CACNG4: variants seen among roughly 807,000 people sequenced by gnomAD.
The protein encoded by CACNG4 is calcium voltage-gated channel auxiliary subunit gamma 4, also known as voltage-dependent calcium channel gamma-4 subunit.
CACNG4 carries 8 observed loss-of-function variants against 22.9 expected under a neutral mutation model. The ratio of observed to expected loss-of-function variants is 0.35; its 90% CI spans 0.21 to 0.63. The LOEUF is 0.63. CACNG4 is among the 30% of genes least tolerant of loss of function. The pLI is 0.72. For synonymous variants in CACNG4, 188 were observed against 191.9 expected (o/e 0.98, Z 0.17); for missense variants, 357 against 455.4 (o/e 0.78, Z 1.97).
intron 1 of CACNG4, among the ~76,000 whole-genome samples, chr17:66,996,177 C>T (rs1598111792): frequency 6.6e-6 from 1 of 152,130 alleles, no homozygotes; most frequent in South Asian, 2.1e-4. Context: ...TGCCTCTCTG[C>T]TCCGTGGTTG....
intron 2 of CACNG4, among the ~76,000 whole-genome samples, chr17:67,020,522 CT>C (rs1164024322): frequency 1.3e-5 from 2 of 152,202 alleles, no homozygotes; most frequent in African/African-American, 4.8e-5. Flanking sequence ...GTGGTCTCTG[CT>C]GCTGGCAGAA....
rs567752942 is a variant in CACNG4, at chr17:66,985,249, C to G, written c.220+20118C>G. On this transcript the variant is annotated intron_variant, in intron 1 of 3. Coordinates refer to ENST00000262138, the MANE Select transcript of CACNG4 (RefSeq NM_014405.4). ...GAGGATTTGAAAACTAAATCCCAGG[C>G]TGAGTCCTGGGCACTCCCAGATTCA... Among the ~76,000 whole-genome samples, 23 of 152,310 alleles carry G rather than the reference C, an allele frequency of 1.5e-4. No homozygotes were observed. In the South Asian group the frequency reaches 3.7e-3, roughly 25 times the overall value.
intron 1 of CACNG4, among the ~76,000 whole-genome samples, chr17:66,982,905 G>A (rs761236613): frequency 6.6e-6 from 1 of 152,186 alleles, no homozygotes; most frequent in Non-Finnish European, 1.5e-5. Flanking sequence ...GGATTGCCCT[G>A]TGCACTTTAT....
intron 1 of CACNG4, among the ~76,000 whole-genome samples, chr17:67,011,946 G>A (rs766327663): frequency 2.6e-5 from 4 of 152,042 alleles, no homozygotes; most frequent in Non-Finnish European, 5.9e-5. Flanking sequence ...CCAATACCCC[G>A]CTCTTCATCA....
Position 66,968,488 on chromosome 17 carries a change from C to T in CACNG4, c.220+3357C>T, listed in dbSNP as rs2035183834. 2.8e-5 allele frequency among the ~76,000 whole-genome samples: 3 copies of T among 106,700 alleles called. No individual in the cohort carries two copies. The South Asian group carries it at 1.2e-3, about 44-fold the overall frequency. 70.0% of individuals were successfully genotyped at this position (106,700 alleles called of 152,430 possible). On this transcript the variant is annotated intron_variant, in intron 1 of 3. Coordinates refer to ENST00000262138, the MANE Select transcript of CACNG4 (RefSeq NM_014405.4). ...CCCTCCCCTTCCCTCACCTTCCCTC[C>T]CCTCCTCCTCTCCCTCCTCTCCCCT...
intron 1 of CACNG4, among the ~76,000 whole-genome samples, chr17:66,979,222 CCTTT>C (rs765923769): frequency 2.6e-5 from 4 of 152,192 alleles, no homozygotes; most frequent in Non-Finnish European, 5.9e-5. Context: ...CTCTTTCTCT[CCTTT>C]CTTTCTTCCT....
chr17:67,011,352 C>T (rs914623846), intron 1 of CACNG4, among the ~76,000 whole-genome samples: 1 of 152,160 alleles, frequency 6.6e-6, no homozygotes, highest in Non-Finnish European at 1.5e-5. Context: ...TGGAAGTGGA[C>T]TCCACACCTT....
intron 1 of CACNG4, among the ~76,000 whole-genome samples, chr17:66,988,037 G>T (rs531026558): frequency 3.6e-4 from 52 of 145,342 alleles, no homozygotes; most frequent in African/African-American, 1.1e-3. Context: ...CATCCTTTTT[G>T]TGTGTGTGTG....
intron 3 of CACNG4, among the ~76,000 whole-genome samples, chr17:67,025,726 G>C (rs1412593766): frequency 6.6e-6 from 1 of 152,266 alleles, no homozygotes; most frequent in African/African-American, 2.4e-5. Flanking sequence ...GGCAGGCCTG[G>C]CGTGGTGCCG....
chr17:67,009,395 G>A (rs1320206488), intron 1 of CACNG4, among the ~76,000 whole-genome samples: 5 of 152,114 alleles, frequency 3.3e-5, no homozygotes, highest in African/African-American at 7.2e-5. Flanking sequence ...AAGGATAGGA[G>A]CCAGTGTCTC....
At chr17:67,003,794 T>G (rs2035422071) in intron 1 of CACNG4, among the ~76,000 whole-genome samples, 1 of 152,148 alleles carries the variant, frequency 6.6e-6, no homozygotes, top group Non-Finnish European at 1.5e-5. Context: ...GTAACAGAGC[T>G]CTAAACTTGA....
chr17:66,989,541 C>A (rs550615979), intron 1 of CACNG4, among the ~76,000 whole-genome samples: 11 of 151,476 alleles, frequency 7.3e-5, no homozygotes, highest in African/African-American at 2.7e-4. Flanking sequence ...CAGAACCATT[C>A]GAGGATAAAC....
chr17:66,969,151 G>T (rs2035189152), intron 1 of CACNG4, among the ~76,000 whole-genome samples: 1 of 152,248 alleles, frequency 6.6e-6, no homozygotes, highest in Admixed American at 6.5e-5. Context: ...ACTCTTGCCA[G>T]GGACAGAAGA....
chr17:66,985,843 A>G (rs968609831), intron 1 of CACNG4, among the ~76,000 whole-genome samples: 1 of 152,180 alleles, frequency 6.6e-6, no homozygotes, highest in African/African-American at 2.4e-5. Context: ...GAGTGGGAAG[A>G]GGAAGGTCCT....
rs2035617694 is a variant in CACNG4 at position 67,032,919 on chromosome 17, A to C, written c.*1915A>C. On this transcript the variant is annotated 3_prime_UTR_variant, in exon 4 of 4. Transcript: ENST00000262138. ...CTTTTCTTCTGTGATTTCCAAAAGC[A>C]AGGCAGCCGTGCTGTTCTAGTTCCT... 1 of 152,962 alleles carries C rather than the reference A, an allele frequency of 6.5e-6. No individual in the cohort carries two copies. The highest frequency in any genetic ancestry group is 6.5e-5 in the Admixed American group (1 of 15,292). 9.5% of individuals were successfully genotyped at this position (152,962 alleles called of 1,614,324 possible).
At chr17:66,971,444 C>T (rs1342978040) in intron 1 of CACNG4, among the ~76,000 whole-genome samples, 1 of 152,198 alleles carries the variant, frequency 6.6e-6, no homozygotes, top group Admixed American at 6.5e-5. Context: ...GCTCACTGAA[C>T]ACCTGGTCTG....
In CACNG4 at chr17:67,024,951, C is replaced by A. The variant is rs2035554774; in HGVS notation, c.396C>A (p.Ser132Arg). ...GLCIGAGRIYSRKNNIVLSAG... is the reference protein window; with the variant it reads ...GLCIGAGRIYRRKNNIVLSAG... ...GCATCGGTGCTGGCAGGATCTACAG[C>A]CGCAAGAACAACATCGTCCTCAGTG... Residue 132 changes from serine (S) to arginine (R), a missense_variant, in exon 3 of 4, where the codon AGC becomes AGA. This residue lies in a region of CACNG4 where 240 missense variants were observed against 277.6 expected (regional missense o/e 0.86). Transcript: ENST00000262138. The A allele has an allele frequency of 1.2e-6, 2 of 1,607,096 alleles. No homozygotes were observed. The highest frequency in any genetic ancestry group is 1.7e-6 in the Non-Finnish European group (2 of 1,177,962).
At chr17:66,985,821 GGCAGTA>G (rs2035302207) in intron 1 of CACNG4, among the ~76,000 whole-genome samples, 1 of 152,150 alleles carries the variant, frequency 6.6e-6, no homozygotes, top group South Asian at 2.1e-4. Flanking sequence ...TCCAAGGAGT[GGCAGTA>G]GCACAGAGTG....
Position 66,965,052 on chromosome 17 carries a change from C to G in CACNG4, c.141C>G (p.Thr47=). 1 of 1,605,716 alleles carries G rather than the reference C, an allele frequency of 6.2e-7. No individual in the cohort carries two copies. Among genetic ancestry groups the G allele is most frequent in the Non-Finnish European group, 8.5e-7 (1 of 1,176,884 alleles). The change falls in exon 1 of 4, where the codon ACC becomes ACG. Residue 47 remains threonine, a synonymous_variant. Coordinates refer to ENST00000262138, the MANE Select transcript of CACNG4 (RefSeq NM_014405.4). ...SAHICNGTNL[T]MDDGPPPRRA... is the part of the protein sequence containing the mutation. ...ACATCTGCAACGGCACCAACCTGAC[C>G]ATGGACGACGGGCCCCCGCCCCGCC...
Sources: allele counts gnomAD v4.1 joint callset (sites outside exome capture counted in the v4.1 genomes callset), GRCh38; gene constraint gnomAD v4.1.1; regional missense constraint gnomAD v4.1.1; transcripts MANE v1.5; gene names NCBI Gene and HGNC (gene_info 2026-07-23, HGNC 2026-07-21).